TMCO4: variants seen among roughly 807,000 people sequenced by gnomAD.
TMCO4 encodes the protein transmembrane and coiled-coil domains 4, also known as transmembrane and coiled-coil domain-containing protein 4.
In TMCO4, 58 loss-of-function variants were observed where a neutral mutation model predicts 64.7. The observed-to-expected ratio is 0.90, with a 90% CI of 0.73 to 1.12. TMCO4 has a LOEUF of 1.12. Among genes scored for constraint, TMCO4 ranks in the 50% most tolerant of loss-of-function variants. TMCO4 has a pLI of 0.00. For missense variants in TMCO4, 780 were observed against 825.9 expected, an observed-to-expected ratio of 0.94 and a Z score of 0.68; for synonymous variants, 325 against 346.1, an observed-to-expected ratio of 0.94 and a Z score of 0.68.
chr1:19,723,861 A>C (rs1316174940), intron 13 of TMCO4, among the ~76,000 whole-genome samples: 1 of 152,108 alleles, frequency 6.6e-6, no homozygotes, highest in Non-Finnish European at 1.5e-5. Context: ...CTGTGGGTTA[A>C]CAGTGAAGCA....
intron 6 of TMCO4, among the ~76,000 whole-genome samples, chr1:19,768,093 CAAA>C (rs35417457): frequency 1.1e-5 from 1 of 89,592 alleles, no homozygotes; most frequent in African/African-American, 3.7e-5. Context: ...AACTTCATCT[CAAA>C]AAAAAAAAAA....
At chr1:19,739,706 C>T in intron 12 of TMCO4, 118 bp downstream of exon 12, 1 of 1,467,612 alleles carries the variant, frequency 6.8e-7, no homozygotes, top group Admixed American at 2.1e-5. Context: ...GCCCACACCC[C>T]CAAAACCATT....
intron 6 of TMCO4, among the ~76,000 whole-genome samples, chr1:19,768,546 C>T (rs1166665985): frequency 2.0e-5 from 3 of 152,054 alleles, no homozygotes; most frequent in Non-Finnish European, 1.5e-5. Flanking sequence ...GTCCAGTGAC[C>T]GAAGCAATGT....
At chr1:19,793,926 T>C (rs1382021467) in intron 2 of TMCO4, among the ~76,000 whole-genome samples, 1 of 152,146 alleles carries the variant, frequency 6.6e-6, no homozygotes, top group Non-Finnish European at 1.5e-5. Flanking sequence ...GAGAGTGCCA[T>C]CTCAGAGTCA....
chr1:19,736,588 T>C (rs532830468), intron 13 of TMCO4, among the ~76,000 whole-genome samples: 11 of 152,174 alleles, frequency 7.2e-5, no homozygotes, highest in African/African-American at 2.6e-4. Flanking sequence ...GCTCGGCAAC[T>C]CACTCTCCCA....
chr1:19,771,220 C>A, intron 5 of TMCO4, 88 bp downstream of exon 5: 2 of 1,432,594 alleles, frequency 1.4e-6, no homozygotes, highest in South Asian at 1.4e-5. Context: ...ACTGCTCCAC[C>A]CCACTAGAAG....
chr1:19,762,175 T>C (rs1344170579), intron 6 of TMCO4, among the ~76,000 whole-genome samples: 1 of 152,192 alleles, frequency 6.6e-6, no homozygotes, highest in East Asian at 1.9e-4. Flanking sequence ...AATGCCTTAC[T>C]CTTGAGTGAG....
In TMCO4 at chr1:19,682,593, T is replaced by C. The variant is rs1282154255; in HGVS notation, c.*447A>G. On this transcript the variant is annotated 3_prime_UTR_variant, in exon 16 of 16. Transcript: ENST00000294543. Reference sequence around the variant, plus strand: ...GTGCCTGTCAGCTGGTGGGCAGCCCTGGAGTGTGGATGGAAGAACAGGCAT... The same window carrying C: ...GTGCCTGTCAGCTGGTGGGCAGCCCCGGAGTGTGGATGGAAGAACAGGCAT... The C allele has an allele frequency of 2.8e-6, 2 of 717,134 alleles. No individual in the cohort carries two copies. The highest frequency in any genetic ancestry group is 3.5e-5 in the African/African-American group (2 of 57,230). The allele number at this position is 717,134 out of a possible 1,614,324, so 44.4% of individuals were successfully genotyped here. A position where few individuals can be genotyped will look rare whatever the true frequency, so the allele number is the denominator to read the frequency against.
chr1:19,796,180 G>C (rs1183940791), intron 2 of TMCO4, among the ~76,000 whole-genome samples: 1 of 152,220 alleles, frequency 6.6e-6, no homozygotes, highest in Non-Finnish European at 1.5e-5. Context: ...CCACTTTACA[G>C]ATGAGAAAAC....
rs2043342715 is a variant in TMCO4, at chr1:19,779,067, C to A, written c.179+1513G>T. Reference sequence around the variant, plus strand: ...CAGTGGACAGACAAAGACAGAAAAACAAAAACCCCAAACAGCTAAGACCCA... The same window carrying A: ...CAGTGGACAGACAAAGACAGAAAAAAAAAAACCCCAAACAGCTAAGACCCA... On this transcript the variant is annotated intron_variant, in intron 4 of 15. Coordinates refer to ENST00000294543, the MANE Select transcript of TMCO4 (RefSeq NM_181719.7). Among the ~76,000 whole-genome samples, 3 of 152,114 alleles carry A rather than the reference C, an allele frequency of 2.0e-5. 1 individual carries two copies. The South Asian group carries it at 6.2e-4, about 31-fold the overall frequency.
intron 13 of TMCO4, among the ~76,000 whole-genome samples, chr1:19,712,054 C>T (rs35830951): frequency 0.24 from 36,415 of 152,044 alleles, 4,644 homozygotes; most frequent in Admixed American, 0.27. Context: ...ACCTCTGCAT[C>T]CCAAAGCGCT....
At chr1:19,778,668 C>A (rs1289758559) in intron 4 of TMCO4, among the ~76,000 whole-genome samples, 1 of 152,148 alleles carries the variant, frequency 6.6e-6, no homozygotes, top group Non-Finnish European at 1.5e-5. Context: ...ATAAACTGCT[C>A]GAGGTCACAT....
At chr1:19,727,868 G>A (rs1236370283) in intron 13 of TMCO4, among the ~76,000 whole-genome samples, 1 of 152,174 alleles carries the variant, frequency 6.6e-6, no homozygotes, top group Non-Finnish European at 1.5e-5. Flanking sequence ...GGAATATGAT[G>A]CAGCCATAAA....
intron 7 of TMCO4, among the ~76,000 whole-genome samples, chr1:19,751,652 A>C (rs1349438739): frequency 6.6e-6 from 1 of 152,058 alleles, no homozygotes; most frequent in Non-Finnish European, 1.5e-5. Flanking sequence ...TGATTTGAAA[A>C]GAAGATATTT....
At chr1:19,725,735 G>A (rs1293008001) in intron 13 of TMCO4, among the ~76,000 whole-genome samples, 9 of 152,208 alleles carry the variant, frequency 5.9e-5, no homozygotes, top group Non-Finnish European at 1.0e-4. Context: ...CCTGACCAAA[G>A]GCACAATCAT....
At chr1:19,741,577 G>A (rs990991742) in intron 10 of TMCO4, among the ~76,000 whole-genome samples, 11 of 152,166 alleles carry the variant, frequency 7.2e-5, no homozygotes, top group African/African-American at 2.2e-4. Context: ...CCACTGTAGC[G>A]GCCGATGCCA....
At chr1:19,778,339 T>C (rs2043306366) in intron 4 of TMCO4, among the ~76,000 whole-genome samples, 1 of 152,108 alleles carries the variant, frequency 6.6e-6, no homozygotes, top group Non-Finnish European at 1.5e-5. Flanking sequence ...AGTAGCACGA[T>C]CTTGGCTCAT....
chr1:19,714,219 G>A (rs1264895875), intron 13 of TMCO4, among the ~76,000 whole-genome samples: 3 of 152,182 alleles, frequency 2.0e-5, no homozygotes, highest in South Asian at 2.1e-4. Context: ...TTACAGGTGT[G>A]AGCCACCACA....
At chr1:19,697,271 G>T (rs754584206) in intron 14 of TMCO4, among the ~76,000 whole-genome samples, 24 of 152,084 alleles carry the variant, frequency 1.6e-4, no homozygotes, top group Non-Finnish European at 2.6e-4. Context: ...ATATATATAC[G>T]TTTTGAGACA....
Sources: allele counts gnomAD v4.1 joint callset (sites outside exome capture counted in the v4.1 genomes callset), GRCh38; gene constraint gnomAD v4.1.1; transcripts MANE v1.5; gene names NCBI Gene and HGNC (gene_info 2026-07-23, HGNC 2026-07-21).